The following SLC15A5 variants were observed in gnomAD, a reference collection of about 807,000 sequenced individuals.
SLC15A5 encodes solute carrier family 15 member 5, also known as Peptide/histidine transporter ENSP00000340402.
Under a neutral mutation model 56.1 loss-of-function variants are expected in SLC15A5, and 58 were observed. The observed-to-expected ratio is 1.03, with a 90% CI of 0.84 to 1.29. SLC15A5 has a LOEUF of 1.29. SLC15A5 is among the 50% of genes most tolerant of loss of function. SLC15A5 has a pLI of 0.00. For missense variants in SLC15A5, 681 were observed against 672.1 expected (o/e 1.01, Z -0.15); for synonymous variants, 264 against 250.5 (o/e 1.05, Z -0.51).
At chr12:16,239,539 G>A (rs888889661) in intron 5 of SLC15A5, 142 bp downstream of exon 5, 20 of 780,244 alleles carry the variant, frequency 2.6e-5, no homozygotes, top group East Asian at 8.2e-5. Flanking sequence ...GAAGATGGGT[G>A]TTATCAGTCA....
chr12:16,231,162 A>T (rs1864293774), intron 5 of SLC15A5, among the ~76,000 whole-genome samples: 1 of 152,222 alleles, frequency 6.6e-6, no homozygotes, highest in African/African-American at 2.4e-5. Context: ...GTTGGAAAAA[A>T]CTATGCAGAT....
At chr12:16,227,142 T>C (rs1480780229) in intron 5 of SLC15A5, among the ~76,000 whole-genome samples, 4 of 152,072 alleles carry the variant, frequency 2.6e-5, no homozygotes, top group Admixed American at 6.6e-5. Flanking sequence ...GTTTAAAAAT[T>C]TGAGGAATTT....
rs79526451 is a variant in SLC15A5, at chr12:16,213,809, A to G, written c.1483+3084T>C. Among the ~76,000 whole-genome samples, 1,195 of 152,272 alleles carry G rather than the reference A, an allele frequency of 7.8e-3. 21 individuals are homozygous for G. Among genetic ancestry groups the G allele is most frequent in the African/African-American group, 0.027 (1,142 of 41,564 alleles). On this transcript the variant is annotated intron_variant, in intron 7 of 8. Transcript: ENST00000344941. Reference sequence around the variant, plus strand: ...CAACCCATCTTGCTAAGATGTCCTCACCATGTGTCCTTGGTAAATTTCCTT... The same window carrying G: ...CAACCCATCTTGCTAAGATGTCCTCGCCATGTGTCCTTGGTAAATTTCCTT...
intron 5 of SLC15A5, 37 bp downstream of exon 5, chr12:16,239,644 T>G: frequency 6.6e-7 from 1 of 1,520,472 alleles, no homozygotes; most frequent in Non-Finnish European, 8.8e-7. Context: ...TAAAAAAGTT[T>G]CAAACGATTC....
intron 3 of SLC15A5, among the ~76,000 whole-genome samples, chr12:16,256,839 ACAGAGAGAGGCTCCGTCTC>A (rs1864578773): frequency 4.2e-5 from 6 of 142,182 alleles, no homozygotes; most frequent in Non-Finnish European, 7.6e-5. Context: ...AGCCTGGACG[ACAGAGAGAGGCTCCGTCTC>A]AAAAAAAAAA....
chr12:16,228,595 A>T (rs1210861938), intron 5 of SLC15A5, among the ~76,000 whole-genome samples: 1 of 152,156 alleles, frequency 6.6e-6, no homozygotes, highest in Non-Finnish European at 1.5e-5. Context: ...GTACACTTAC[A>T]TGCGGGTTTT....
chr12:16,213,131 A>G (rs1472815294), intron 7 of SLC15A5, among the ~76,000 whole-genome samples: 1 of 152,130 alleles, frequency 6.6e-6, no homozygotes, highest in African/African-American at 2.4e-5. Flanking sequence ...TTTAAGAAAG[A>G]TACTGACGAG....
chr12:16,252,980 C>T (rs1252365480), intron 3 of SLC15A5, among the ~76,000 whole-genome samples: 1 of 152,012 alleles, frequency 6.6e-6, no homozygotes, highest in Non-Finnish European at 1.5e-5. Context: ...CCCAAAAATA[C>T]ACCTTCGCAC....
At chr12:16,211,002 G>A (rs1034385938) in intron 7 of SLC15A5, among the ~76,000 whole-genome samples, 1 of 152,192 alleles carries the variant, frequency 6.6e-6, no homozygotes, top group Non-Finnish European at 1.5e-5. Flanking sequence ...TTGGGGCCCT[G>A]CTGACTTAGC....
intron 7 of SLC15A5, among the ~76,000 whole-genome samples, chr12:16,201,883 A>G (rs542523769): frequency 6.6e-5 from 10 of 152,288 alleles, no homozygotes; most frequent in Admixed American, 2.0e-4. Flanking sequence ...TCTTCAATAA[A>G]TGGTGCTGGG....
At position 16,269,557 on chromosome 12, in the gene SLC15A5, C is replaced by T. The variant is rs1864729379; in HGVS notation, c.584+3004G>A. On this transcript the variant is annotated intron_variant, in intron 2 of 8. Transcript: ENST00000344941. This position sits in a 1 kb window ranked among gnomAD's most constrained non-coding sequence, Gnocchi z 4.7. ...AATGCTGTGGGATAATACATTTTTA[C>T]CTCTAGTGCTTCCCTAAGATAAAAT... Among the ~76,000 whole-genome samples, 1 of 152,102 alleles carries T rather than the reference C, an allele frequency of 6.6e-6. No homozygotes were observed. Among genetic ancestry groups the T allele is most frequent in the Non-Finnish European group, 1.5e-5 (1 of 68,022 alleles).
At chr12:16,262,879 G>T (rs1798690) in intron 2 of SLC15A5, among the ~76,000 whole-genome samples, 67,738 of 151,948 alleles carry the variant, frequency 0.45, 15,304 homozygotes, top group South Asian at 0.61. Flanking sequence ...GACTTGCTCC[G>T]CCTTGCCTTC....
chr12:16,266,027 T>TGGC (rs1864692079), intron 2 of SLC15A5, among the ~76,000 whole-genome samples: 2 of 152,132 alleles, frequency 1.3e-5, no homozygotes, highest in African/African-American at 4.8e-5. Flanking sequence ...CTAAAACCTC[T>TGGC]CAATAATTGG....
rs1565654527 is a variant in SLC15A5 at position 16,193,829 on chromosome 12, GA to G, written c.1592+515del. The stretch of plus-strand genomic sequence containing the variant: ...AGAGAGAGAGAGAGAGAGAGAGAGA[GA>G]GAGAGAGAGAGAGAGGCTGGCAATG... On this transcript the variant is annotated intron_variant, in intron 8 of 8. Coordinates refer to ENST00000344941, the MANE Select transcript of SLC15A5 (RefSeq NM_001170798.1). Among the ~76,000 whole-genome samples the G allele has an allele frequency of 8.1e-4, 101 of 124,750 alleles. 6 individuals carry two copies. The highest frequency in any genetic ancestry group is 3.0e-3 in the African/African-American group (100 of 33,602). The allele number at this position is 124,750 out of a possible 152,430, so 81.8% of individuals were successfully genotyped here.
At chr12:16,261,351 A>G (rs1864641290) in intron 2 of SLC15A5, among the ~76,000 whole-genome samples, 1 of 152,128 alleles carries the variant, frequency 6.6e-6, no homozygotes, top group Non-Finnish European at 1.5e-5. Context: ...GTATTTTTTA[A>G]TCTGGCTTCT....
At chr12:16,223,550 A>G (rs1591647070) in intron 6 of SLC15A5, among the ~76,000 whole-genome samples, 1 of 152,196 alleles carries the variant, frequency 6.6e-6, no homozygotes, top group East Asian at 1.9e-4. Flanking sequence ...GATATTTAAT[A>G]AACTTATTTT....
At chr12:16,205,401 T>C (rs1166658929) in intron 7 of SLC15A5, among the ~76,000 whole-genome samples, 2 of 151,526 alleles carry the variant, frequency 1.3e-5, no homozygotes, top group Admixed American at 1.3e-4. Context: ...AATAATCCCA[T>C]TTCCAGGATT....
intron 2 of SLC15A5, among the ~76,000 whole-genome samples, chr12:16,270,092 G>T (rs1338877382): frequency 6.6e-6 from 1 of 152,154 alleles, no homozygotes; most frequent in Non-Finnish European, 1.5e-5. Flanking sequence ...TTGTAGTGAG[G>T]TGCATTAGTT....
At chr12:16,201,008 A>T (rs1863949553) in intron 7 of SLC15A5, among the ~76,000 whole-genome samples, 1 of 152,160 alleles carries the variant, frequency 6.6e-6, no homozygotes, top group South Asian at 2.1e-4. Flanking sequence ...AACAACAGAT[A>T]CAGAGGAGAT....
Sources: allele counts gnomAD v4.1 joint callset (sites outside exome capture counted in the v4.1 genomes callset), GRCh38; gene constraint gnomAD v4.1.1; non-coding constraint Gnocchi (gnomAD v3.1); transcripts MANE v1.5; gene names NCBI Gene and HGNC (gene_info 2026-07-23, HGNC 2026-07-21).